The following ZNF536 variants were observed in gnomAD, a reference collection of about 807,000 sequenced individuals.
The protein encoded by ZNF536 is zinc finger protein 536.
A neutral mutation model predicts 84.5 loss-of-function variants in ZNF536; 13 were observed. That is an observed-to-expected ratio of 0.15 (90% CI 0.10 to 0.24). ZNF536 has a LOEUF of 0.24. Among genes scored for constraint, ZNF536 ranks in the 10% least tolerant of loss-of-function variants. The pLI is 1.00. For synonymous variants in ZNF536, 811 were observed against 742.5 expected (o/e 1.09, Z -1.50); for missense variants, 1,536 against 1,747.5 (o/e 0.88, Z 2.16).
chr19:30,448,007 G>A lies in ZNF536; in HGVS notation c.2170+2275G>A, dbSNP rs143006464. Among the ~76,000 whole-genome samples the A allele has an allele frequency of 6.6e-5, 10 of 152,240 alleles. No individual in the cohort carries two copies. In the East Asian group the frequency reaches 1.9e-3, roughly 29 times the overall value. The stretch of plus-strand genomic sequence containing the variant: ...CTCTGTTGCTTGCCTATCTCTCAGT[G>A]CTTGGTTGAAAAAACCCATTTTGCT... On this transcript the variant is annotated intron_variant, in intron 2 of 4. Coordinates refer to ENST00000355537, the MANE Select transcript of ZNF536 (RefSeq NM_014717.3).
chr19:30,546,783 C>G (rs1766670690), intron 3 of ZNF536, among the ~76,000 whole-genome samples: 1 of 152,206 alleles, frequency 6.6e-6, no homozygotes, highest in Non-Finnish European at 1.5e-5. Context: ...AGAGCGGGGA[C>G]TGTCACAGTC....
At chr19:30,228,106 T>A (rs552787280), upstream of ZNF536, among the ~76,000 whole-genome samples, 4 of 152,086 alleles carry the variant, frequency 2.6e-5, no homozygotes, top group East Asian at 7.8e-4. This position sits in a 1 kb window ranked among gnomAD's most constrained non-coding sequence, Gnocchi z 4.5. Context: ...GAACGCGCTG[T>A]TTTCTTTCCC....
At chr19:30,627,365 G>T (rs1300376166) in intron 1 of ZNF536, among the ~76,000 whole-genome samples, 1 of 149,714 alleles carries the variant, frequency 6.7e-6, no homozygotes, top group Admixed American at 6.7e-5. Flanking sequence ...CAGCTAATCG[G>T]GAAGCTGAGG....
At chr19:30,313,801 G>A (rs1310543647) in intron 2 of ZNF536, among the ~76,000 whole-genome samples, 1 of 152,222 alleles carries the variant, frequency 6.6e-6, no homozygotes, top group Non-Finnish European at 1.5e-5. Context: ...GAAAAGTGGT[G>A]TATGAAATTT....
At chr19:30,649,910 TAAA>T (rs34573085) in intron 1 of ZNF536, among the ~76,000 whole-genome samples, 2 of 149,410 alleles carry the variant, frequency 1.3e-5, no homozygotes, top group Non-Finnish European at 3.0e-5. Context: ...TAATCTTAAC[TAAA>T]AAAAAAAACT....
At chr19:30,680,234 TTTTTATTTTA>T (rs10677137) in intron 1 of ZNF536, among the ~76,000 whole-genome samples, 6 of 148,144 alleles carry the variant, frequency 4.1e-5, no homozygotes, top group South Asian at 2.2e-4. Context: ...ATGATTATTA[TTTTTATTTTA>T]TTTTATTTTA....
intron 2 of ZNF536, among the ~76,000 whole-genome samples, chr19:30,309,325 C>T (rs992891635): frequency 6.6e-6 from 1 of 152,134 alleles, no homozygotes; most frequent in Admixed American, 6.5e-5. Context: ...TAACTGGTAT[C>T]CCGGGGGCCA....
At chr19:30,355,212 G>A (rs1322321137) in intron 3 of ZNF536, among the ~76,000 whole-genome samples, 1 of 152,112 alleles carries the variant, frequency 6.6e-6, no homozygotes, top group Non-Finnish European at 1.5e-5. Context: ...CACGGTGGAA[G>A]GTGAAGGAGA....
At chr19:30,417,879 C>G (rs911273649) in intron 1 of ZNF536, among the ~76,000 whole-genome samples, 2 of 152,066 alleles carry the variant, frequency 1.3e-5, no homozygotes, top group African/African-American at 4.8e-5. Context: ...CCCACCTCAG[C>G]CTCCCAAATA....
intron 2 of ZNF536, among the ~76,000 whole-genome samples, chr19:30,320,268 T>C (rs375967100): frequency 3.9e-5 from 6 of 152,358 alleles, no homozygotes; most frequent in African/African-American, 1.4e-4. Context: ...TTTTCTTAAA[T>C]CCTGATAAAT....
At chr19:30,634,009 T>C (rs2048978770) in intron 1 of ZNF536, among the ~76,000 whole-genome samples, 1 of 152,170 alleles carries the variant, frequency 6.6e-6, no homozygotes, top group Non-Finnish European at 1.5e-5. Flanking sequence ...ACTAAGCATG[T>C]GCCTGAAGTG....
chr19:30,572,969 C>G (rs1490151988), intron 1 of ZNF536, among the ~76,000 whole-genome samples: 2 of 152,070 alleles, frequency 1.3e-5, no homozygotes, highest in Non-Finnish European at 2.9e-5. Context: ...GTTAAGCCAC[C>G]TTGGAGAGAG....
At chr19:30,375,199 G>T (rs1212944187) in intron 1 of ZNF536, among the ~76,000 whole-genome samples, 2 of 149,422 alleles carry the variant, frequency 1.3e-5, no homozygotes, top group East Asian at 3.9e-4. Flanking sequence ...TCGTTGGCGC[G>T]GCGCCCGGCG....
intron 3 of ZNF536, among the ~76,000 whole-genome samples, chr19:30,546,188 A>G (rs1319255540): frequency 2.6e-5 from 4 of 152,204 alleles, no homozygotes; most frequent in Non-Finnish European, 5.9e-5. Flanking sequence ...ATGTCTACAT[A>G]GCAGTAGCTC....
intron 1 of ZNF536, among the ~76,000 whole-genome samples, chr19:30,594,984 G>A (rs74779959): frequency 0.016 from 2,438 of 152,194 alleles, 36 homozygotes; most frequent in Non-Finnish European, 0.025. Flanking sequence ...GTTCTTCCAG[G>A]AGGAGGCTCT....
At position 30,696,322 on chromosome 19, in the gene ZNF536, C is replaced by T. The variant is rs181180007; in HGVS notation, c.170-14435C>T. Among the ~76,000 whole-genome samples, 685 of 152,304 alleles carry T rather than the reference C, an allele frequency of 4.5e-3. 10 individuals are homozygous for T. The highest frequency in any genetic ancestry group is 0.015 in the African/African-American group (640 of 41,582). ...CCCCACTCCAGCACTTCCAGGCCAG[C>T]GCCTTCTCTTTGGTTTCTCCCGGCA... On this transcript the variant is annotated intron_variant, in intron 1 of 1. Coordinates refer to the ZNF536 transcript ENST00000592773.
At chr19:30,637,489 C>T (rs1481121928) in intron 1 of ZNF536, among the ~76,000 whole-genome samples, 2 of 152,232 alleles carry the variant, frequency 1.3e-5, no homozygotes, top group Admixed American at 6.5e-5. Flanking sequence ...TTATACCCTT[C>T]TATAGACTCA....
intron 1 of ZNF536, among the ~76,000 whole-genome samples, chr19:30,412,999 A>G (rs538576880): frequency 6.6e-6 from 1 of 151,488 alleles, no homozygotes; most frequent in Non-Finnish European, 1.5e-5. Context: ...AGATTTTCAA[A>G]TTTAATGGTA....
chr19:30,389,250 G>A (rs1013107798), intron 1 of ZNF536, among the ~76,000 whole-genome samples: 7 of 152,192 alleles, frequency 4.6e-5, no homozygotes, highest in African/African-American at 1.7e-4. Context: ...GGGGGTATGC[G>A]GAAGGCCAAC....
Sources: gnomAD v4.1 joint callset for allele counts (sites outside exome capture counted in the v4.1 genomes callset) on GRCh38, gnomAD v4.1.1 for gene constraint, Gnocchi (gnomAD v3.1) non-coding constraint, MANE v1.5 for transcripts, NCBI Gene and HGNC (gene_info 2026-07-23, HGNC 2026-07-21) for gene names.